The following GRAMD4 variants were observed in gnomAD, a reference collection of about 807,000 sequenced individuals.
GRAMD4 encodes GRAM domain-containing protein 4.
GRAMD4 carries 25 observed loss-of-function variants against 83.9 expected under a neutral mutation model. The observed-to-expected ratio is 0.30, with a 90% CI of 0.22 to 0.42. The LOEUF is 0.42. Among genes scored for constraint, GRAMD4 ranks in the 10% least tolerant of loss-of-function variants. GRAMD4 has a pLI of 1.00. For missense variants in GRAMD4, 593 were observed against 788.7 expected, an observed-to-expected ratio of 0.75 and a Z score of 2.97; for synonymous variants, 336 against 320.9, an observed-to-expected ratio of 1.05 and a Z score of -0.50.
At position 46,659,530 on chromosome 22, in the gene GRAMD4, C is replaced by CG. The variant is rs1470900524; in HGVS notation, c.404+1228dup. Among the ~76,000 whole-genome samples, 1 of 152,224 alleles carries CG rather than the reference C, an allele frequency of 6.6e-6. No individual in the cohort carries two copies. Among genetic ancestry groups the CG allele is most frequent in the African/African-American group, 2.4e-5 (1 of 41,460 alleles). On this transcript the variant is annotated intron_variant, in intron 4 of 18. Transcript: ENST00000406902. This position sits in a 1 kb window ranked among gnomAD's most constrained non-coding sequence, Gnocchi z 4.1. ...TGAGCACTGCCTGCTATGAGCGCTC[C>CG]GGGGGCCGTGTGTCATTGTCAGGAC...
At chr22:46,666,463 A>T (rs984718669) in intron 9 of GRAMD4, among the ~76,000 whole-genome samples, 1 of 152,038 alleles carries the variant, frequency 6.6e-6, no homozygotes, top group South Asian at 2.1e-4. Context: ...TGTTTTTTGT[A>T]GAAATCACTT....
chr22:46,620,567 T>C lies in GRAMD4; in HGVS notation c.-50+2T>C, dbSNP rs868236801. ...TGGATGTATCTGAGACAGACGGAGGTAGGGGGCAGGGGGCAGGGGGCAGGG... is the reference window on the plus strand; with the variant it reads ...TGGATGTATCTGAGACAGACGGAGGCAGGGGGCAGGGGGCAGGGGGCAGGG... On this transcript the variant is annotated splice_donor_variant, in intron 1 of 18. Transcript: ENST00000406902. LOFTEE classifies it low-confidence loss of function (5UTR_SPLICE). The surrounding 1 kb of genome is among the most constrained non-coding windows in gnomAD (Gnocchi z 4.7). 4.3e-5 allele frequency: 5 copies of C among 115,986 alleles called. No individual in the cohort carries two copies. Among genetic ancestry groups the C allele is most frequent in the African/African-American group, 1.3e-4 (2 of 15,950 alleles). 7.2% of individuals were successfully genotyped at this position (115,986 alleles called of 1,614,324 possible). A position where few individuals can be genotyped will look rare whatever the true frequency, so the allele number is the denominator to read the frequency against.
chr22:46,681,860 G>A (rs893644856), downstream of GRAMD4, among the ~76,000 whole-genome samples: 13 of 152,204 alleles, frequency 8.5e-5, no homozygotes, highest in African/African-American at 3.1e-4. Context: ...CAGGGTTGTG[G>A]TCCATTCTGC....
chr22:46,634,496 C>T (rs1025311732), intron 2 of GRAMD4, among the ~76,000 whole-genome samples: 6 of 152,176 alleles, frequency 3.9e-5, no homozygotes, highest in African/African-American at 7.2e-5. Context: ...GGGCGAATGG[C>T]GGGAGAAGGA....
intron 3 of GRAMD4, among the ~76,000 whole-genome samples, chr22:46,650,449 G>A (rs1261683414): frequency 6.6e-6 from 1 of 151,994 alleles, no homozygotes; most frequent in Non-Finnish European, 1.5e-5. Flanking sequence ...GAGGCTGGGT[G>A]GACGGCTGGG....
Position 46,577,236 on chromosome 22 carries a change from G to A in GRAMD4, c.-104G>A, listed in dbSNP as rs565750025. On this transcript the variant is annotated 5_prime_UTR_variant, in exon 1 of 2. Transcript: ENST00000431155. Reference sequence around the variant, plus strand: ...GCAGGCGTAGCGCGGCCGGGCGGCCGGCGAGGGGGGCGCCGCGGCGGGTGG... The same window carrying A: ...GCAGGCGTAGCGCGGCCGGGCGGCCAGCGAGGGGGGCGCCGCGGCGGGTGG... 2.4e-3 allele frequency: 2,313 copies of A among 973,200 alleles called. 45 individuals are homozygous for A. In the African/African-American group the frequency reaches 0.038, roughly 16 times the overall value. The allele number at this position is 973,200 out of a possible 1,614,324, so 60.3% of individuals were successfully genotyped here.
chr22:46,631,397 G>T (rs1433363769), intron 2 of GRAMD4, among the ~76,000 whole-genome samples: 2 of 149,564 alleles, frequency 1.3e-5, no homozygotes, highest in East Asian at 3.9e-4. Flanking sequence ...TGACTCCTGG[G>T]GACCGGGGAT....
intron 3 of GRAMD4, among the ~76,000 whole-genome samples, chr22:46,646,377 C>T (rs1312934747): frequency 6.6e-6 from 1 of 152,206 alleles, no homozygotes; most frequent in African/African-American, 2.4e-5. Context: ...CATGGGAGAT[C>T]TTCTCGAAGA....
chr22:46,645,668 C>T (rs1364036687), intron 3 of GRAMD4, among the ~76,000 whole-genome samples: 1 of 152,110 alleles, frequency 6.6e-6, no homozygotes, highest in Non-Finnish European at 1.5e-5. Flanking sequence ...ATGATTAAAT[C>T]CTGAAGAGTA....
intron 3 of GRAMD4, among the ~76,000 whole-genome samples, chr22:46,644,697 G>GTTTTTTTGTT (rs2082044002): frequency 1.0e-5 from 1 of 97,338 alleles, no homozygotes; most frequent in South Asian, 3.9e-4. Context: ...CTTGTTCCCT[G>GTTTTTTTGTT]TTTTTTTTTT....
intron 1 of GRAMD4, among the ~76,000 whole-genome samples, chr22:46,613,955 C>T (rs1025680953): frequency 6.6e-6 from 1 of 152,198 alleles, no homozygotes. Flanking sequence ...GAGCCCTGTG[C>T]CCTCATGGCC....
chr22:46,635,550 G>C lies in GRAMD4; in HGVS notation c.163-2290G>C, dbSNP rs867460682. 4.6e-4 allele frequency among the ~76,000 whole-genome samples: 22 copies of C among 47,714 alleles called. 1 individual carries two copies. The highest frequency in any genetic ancestry group is 2.0e-3 in the Admixed American group (8 of 3,980). 31.3% of individuals were successfully genotyped at this position (47,714 alleles called of 152,430 possible). A position where few individuals can be genotyped will look rare whatever the true frequency, so the allele number is the denominator to read the frequency against. ...CCGGCCACTCCTGTCCTGGGAGGCCGTGTCCTCCCTGCCCCCGCCCCCGGC... is the reference window on the plus strand; with the variant it reads ...CCGGCCACTCCTGTCCTGGGAGGCCCTGTCCTCCCTGCCCCCGCCCCCGGC... On this transcript the variant is annotated intron_variant, in intron 2 of 18. Coordinates refer to ENST00000406902, the MANE Select transcript of GRAMD4 (RefSeq NM_015124.5).
rs1009849392 is a variant in GRAMD4, at chr22:46,621,150, C to T, written c.-50+585C>T. On this transcript the variant is annotated intron_variant, in intron 1 of 18. Transcript: ENST00000406902. This position sits in a 1 kb window ranked among gnomAD's most constrained non-coding sequence, Gnocchi z 5.8. ...TGGTTGGGGATGCGCGGCTGCAGCA[C>T]GCAGGACGGAAGGTGCAGGTGAGAC... Among the ~76,000 whole-genome samples, 2 of 152,220 alleles carry T rather than the reference C, an allele frequency of 1.3e-5. No individual in the cohort carries two copies. The highest frequency in any genetic ancestry group is 2.1e-4 in the South Asian group (1 of 4,830).
chr22:46,610,580 G>C (rs540880523), intron 1 of GRAMD4, among the ~76,000 whole-genome samples: 2 of 152,204 alleles, frequency 1.3e-5, no homozygotes, highest in Non-Finnish European at 2.9e-5. Context: ...CTGTGCCTTC[G>C]CGATATTGCA....
chr22:46,611,137 A>G (rs1211780947), intron 1 of GRAMD4, among the ~76,000 whole-genome samples: 1 of 151,276 alleles, frequency 6.6e-6, no homozygotes, highest in East Asian at 1.9e-4. Context: ...AATCATTTGA[A>G]CCCGGGAGAC....
At chr22:46,584,364 A>G (rs529885211) in intron 1 of GRAMD4, among the ~76,000 whole-genome samples, 54 of 152,222 alleles carry the variant, frequency 3.5e-4, no homozygotes, top group Non-Finnish European at 6.9e-4. Flanking sequence ...ACGCGCACAT[A>G]TGTACGTGTC....
In GRAMD4 at chr22:46,678,363, G is replaced by T; in HGVS notation, c.*1112G>T. The stretch of plus-strand genomic sequence containing the variant: ...CATGCGACAGCGTTCCCTCCCCCGC[G>T]TGCCTAGCCGGTGCCGGTCCGGGCA... On this transcript the variant is annotated 3_prime_UTR_variant, in exon 19 of 19. Coordinates refer to ENST00000406902, the MANE Select transcript of GRAMD4 (RefSeq NM_015124.5). The T allele has an allele frequency of 1.0e-6, 1 of 983,594 alleles. No homozygotes were observed. Among genetic ancestry groups the T allele is most frequent in the Non-Finnish European group, 1.2e-6 (1 of 828,680 alleles). 60.9% of individuals were successfully genotyped at this position (983,594 alleles called of 1,614,324 possible).
Position 46,677,329 on chromosome 22 carries a change from G to T in GRAMD4, c.*78G>T. 1 of 1,491,026 alleles carries T rather than the reference G, an allele frequency of 6.7e-7. No individual in the cohort carries two copies. Among genetic ancestry groups the T allele is most frequent in the East Asian group, 2.5e-5 (1 of 40,760 alleles). The allele number at this position is 1,491,026 out of a possible 1,614,324, so 92.4% of individuals were successfully genotyped here. A position where few individuals can be genotyped will look rare whatever the true frequency, so the allele number is the denominator to read the frequency against. On this transcript the variant is annotated 3_prime_UTR_variant, in exon 19 of 19. Coordinates refer to ENST00000406902, the MANE Select transcript of GRAMD4 (RefSeq NM_015124.5). ...TTTTTTTTTTTTACGATTTGGTAGT[G>T]GAAACAATTGGACATCCTCATGAGC...
chr22:46,642,810 G>T (rs2081990834), intron 3 of GRAMD4, among the ~76,000 whole-genome samples: 1 of 152,132 alleles, frequency 6.6e-6, no homozygotes. Context: ...ATAATACAAA[G>T]AATTCTTGTG....
Sources: allele counts gnomAD v4.1 joint callset (sites outside exome capture counted in the v4.1 genomes callset), GRCh38; gene constraint gnomAD v4.1.1; non-coding constraint Gnocchi (gnomAD v3.1); transcripts MANE v1.5; gene names NCBI Gene and HGNC (gene_info 2026-07-23, HGNC 2026-07-21).